Variants in HFM1 observed in about 807,000 individuals in gnomAD.
HFM1 encodes helicase for meiosis 1.
Under a neutral mutation model 192.1 loss-of-function variants are expected in HFM1, and 169 were observed. That is an observed-to-expected ratio of 0.88 (90% CI 0.78 to 1.00). HFM1 has a LOEUF of 1.00. HFM1 is among the 50% of genes least tolerant of loss of function. The pLI is 0.00. For missense variants in HFM1, 1,661 were observed against 1,668.0 expected (o/e 1.00, Z 0.07); for synonymous variants, 525 against 537.8 (o/e 0.98, Z 0.33).
rs12144808 is a variant in HFM1 at position 91,385,636 on chromosome 1, G to A, written c.693C>T (p.Ile231=). 0.094 allele frequency: 151,411 copies of A among 1,612,182 alleles called. 7,745 individuals are homozygous for A. The highest frequency in any genetic ancestry group is 0.14 in the African/African-American group (10,778 of 74,914). ...TANNAFSASE[I]GEGMFKAPSF... ...ATGGTGCTTTGAACATGCCTTCTCC[G>A]ATTTCAGAAGCAGAAAAAGCATTAT... The change falls in exon 5 of 39, where the codon ATC becomes ATT. Residue 231 remains isoleucine (I), a synonymous_variant. Transcript: ENST00000370425.
intron 28 of HFM1, among the ~76,000 whole-genome samples, chr1:91,314,770 T>A (rs555242218): frequency 1.7e-4 from 26 of 152,338 alleles, no homozygotes; most frequent in African/African-American, 6.3e-4. Flanking sequence ...ACCATTTTTA[T>A]GACTAAACTT....
At chr1:91,395,436 G>C (rs1479561359) in intron 3 of HFM1, among the ~76,000 whole-genome samples, 1 of 152,058 alleles carries the variant, frequency 6.6e-6, no homozygotes, top group Admixed American at 6.6e-5. Context: ...GATTTGGTGG[G>C]CACTATTTTG....
chr1:91,354,908 C>A (rs891549442), intron 13 of HFM1, among the ~76,000 whole-genome samples: 1 of 152,096 alleles, frequency 6.6e-6, no homozygotes, highest in Non-Finnish European at 1.5e-5. Flanking sequence ...GCATAAAACA[C>A]ACTGGTAGAG....
intron 13 of HFM1, among the ~76,000 whole-genome samples, 184 bp downstream of exon 13, chr1:91,375,174 A>G (rs1660755392): frequency 6.6e-6 from 1 of 152,080 alleles, no homozygotes; most frequent in African/African-American, 2.4e-5. Context: ...CATTCAAGAA[A>G]TCTGGATCAC....
chr1:91,267,115 A>T (rs1433952441), intron 35 of HFM1, among the ~76,000 whole-genome samples: 1 of 152,092 alleles, frequency 6.6e-6, no homozygotes, highest in Admixed American at 6.6e-5. Context: ...ATCTTGTCAC[A>T]TACTGGCCAA....
At position 91,271,649 on chromosome 1, in the gene HFM1, C is replaced by T. The variant is rs1197588074; in HGVS notation, c.3772+2063G>A. ...AGATTACAGGAGGAGAGATATGCCT[C>T]GAGTGGAAGAAAAGATAAGTTTTCT... On this transcript the variant is annotated intron_variant, in intron 34 of 38. Coordinates refer to ENST00000370425, the MANE Select transcript of HFM1 (RefSeq NM_001017975.6). Among the ~76,000 whole-genome samples the T allele has an allele frequency of 4.0e-5, 6 of 151,600 alleles. No individual in the cohort carries two copies. In the East Asian group the frequency reaches 9.7e-4, roughly 24 times the overall value.
At chr1:91,285,299 TTTTTA>T (rs1667853005) in intron 30 of HFM1, among the ~76,000 whole-genome samples, 1 of 152,222 alleles carries the variant, frequency 6.6e-6, no homozygotes, top group African/African-American at 2.4e-5. Context: ...CATGTTTTTG[TTTTTA>T]TATATAGTCC....
chr1:91,354,375 T>C (rs1233030350), intron 13 of HFM1, among the ~76,000 whole-genome samples: 1 of 152,034 alleles, frequency 6.6e-6, no homozygotes, highest in African/African-American at 2.4e-5. Context: ...ATTCATATTA[T>C]GGAGGTTCCA....
At chr1:91,335,795 T>G (rs926544493) in intron 20 of HFM1, among the ~76,000 whole-genome samples, 3 of 152,108 alleles carry the variant, frequency 2.0e-5, no homozygotes, top group African/African-American at 7.2e-5. Flanking sequence ...TGGCCCCAGC[T>G]GCTGTGCTCT....
chr1:91,385,374 G>C, intron 5 of HFM1, 140 bp from the exon 6 acceptor site: 1 of 757,356 alleles, frequency 1.3e-6, no homozygotes, highest in Non-Finnish European at 2.2e-6. Context: ...TGAGAGCAAA[G>C]TTAAAAATAT....
Position 91,264,475 on chromosome 1 carries a change from C to A in HFM1, c.3974+1542G>T, listed in dbSNP as rs1478662029. Among the ~76,000 whole-genome samples, 15 of 143,564 alleles carry A rather than the reference C, an allele frequency of 1.0e-4. 1 individual carries two copies. The highest frequency in any genetic ancestry group is 4.5e-5 in the Non-Finnish European group (3 of 66,474). The allele number at this position is 143,564 out of a possible 152,430, so 94.2% of individuals were successfully genotyped here. A position where few individuals can be genotyped will look rare whatever the true frequency, so the allele number is the denominator to read the frequency against. The stretch of plus-strand genomic sequence containing the variant: ...GCAAGCTCCGCCTCCCGGGTTCACG[C>A]CATTCTCCTGCCTCAGCCTCCCGAG... On this transcript the variant is annotated intron_variant, in intron 36 of 38. Transcript: ENST00000370425.
chr1:91,329,331 G>C, intron 20 of HFM1: 1 of 1,605,384 alleles, frequency 6.2e-7, no homozygotes. Context: ...GTTCTCTGAG[G>C]AGCGAATCCA....
At chr1:91,383,300 C>T (rs953651106) in intron 6 of HFM1, among the ~76,000 whole-genome samples, 13 of 152,224 alleles carry the variant, frequency 8.5e-5, no homozygotes, top group Admixed American at 6.5e-4. Flanking sequence ...AATCAGCCAT[C>T]GTACAGATAA....
At chr1:91,407,225 G>A (rs989369147), upstream of HFM1, among the ~76,000 whole-genome samples, 2 of 152,020 alleles carry the variant, frequency 1.3e-5, no homozygotes, top group African/African-American at 4.8e-5. Flanking sequence ...GGGGCTGGGG[G>A]AAGGATAGCA....
At chr1:91,284,370 T>A (rs1667745704) in intron 30 of HFM1, among the ~76,000 whole-genome samples, 1 of 151,930 alleles carries the variant, frequency 6.6e-6, no homozygotes, top group Non-Finnish European at 1.5e-5. Flanking sequence ...GCCTCCCGAG[T>A]AGCTCGTATT....
intron 7 of HFM1, 70 bp downstream of exon 7, chr1:91,380,842 A>G (rs1016982920): frequency 1.3e-6 from 1 of 767,778 alleles, no homozygotes; most frequent in African/African-American, 1.8e-5. Flanking sequence ...AGTAAATCCC[A>G]GCTGTCCCAA....
intron 20 of HFM1, among the ~76,000 whole-genome samples, chr1:91,343,080 A>T (rs1655584995): frequency 6.6e-6 from 1 of 151,742 alleles, no homozygotes; most frequent in South Asian, 2.1e-4. Context: ...ACAAAAAAAA[A>T]ATTGGCCGGG....
rs572096998 is a variant in HFM1 at position 91,351,534 on chromosome 1, T to G, written c.2072+15A>C. 2 of 1,342,722 alleles carry G rather than the reference T, an allele frequency of 1.5e-6. No homozygotes were observed. Among genetic ancestry groups the G allele is most frequent in the South Asian group, 2.6e-5 (2 of 75,870 alleles). The allele number at this position is 1,342,722 out of a possible 1,614,324, so 83.2% of individuals were successfully genotyped here. The stretch of plus-strand genomic sequence containing the variant: ...ATTAGCATTAGTATCTTTTTGGAAC[T>G]TTTTTTTATACTACCTGCTTTCTAC... On this transcript the variant is annotated intron_variant, in intron 17 of 38. Transcript: ENST00000370425.
In HFM1 at chr1:91,375,389, T is replaced by C; in HGVS notation, c.1654A>G (p.Lys552Glu). Residue 552 changes from lysine to glutamate, a missense_variant, in exon 13 of 39, where the codon AAA (lysine) becomes GAA (glutamate). Physicochemically the swap from Lys to Glu is moderately conservative, Grantham distance 56 (BLOSUM62 1). Transcript: ENST00000370425. ...TTCTGTTCCACAGTCATAATAAATT[T>C]AGCATCTTTCACAAGAACAGAAGCA... ...QAASVLVKDA[K>E]FIMTVEQKQR... is the part of the protein sequence containing the mutation. 3 of 1,612,810 alleles carry C rather than the reference T, an allele frequency of 1.9e-6. No individual in the cohort carries two copies. Among genetic ancestry groups the C allele is most frequent in the Non-Finnish European group, 2.5e-6 (3 of 1,179,152 alleles).
Sources: gnomAD v4.1 joint callset for allele counts (sites outside exome capture counted in the v4.1 genomes callset) on GRCh38, gnomAD v4.1.1 for gene constraint, MANE v1.5 for transcripts, NCBI Gene and HGNC (gene_info 2026-07-23, HGNC 2026-07-21) for gene names.